ZNF407: variants seen among roughly 807,000 people sequenced by gnomAD.
The protein encoded by ZNF407 is zinc finger protein 407.
In ZNF407, 17 loss-of-function variants were observed where a neutral mutation model predicts 131.2. The ratio of observed to expected loss-of-function variants is 0.13; its 90% confidence interval spans 0.09 to 0.19. The LOEUF (loss-of-function observed/expected upper bound fraction) is 0.19, where lower values mean the gene tolerates loss of function less well. ZNF407 is among the 10% of genes least tolerant of loss of function. The probability of loss-of-function intolerance (pLI) is 1.00; values close to 1 mark genes in which losing one functional copy is unlikely to be tolerated. For synonymous variants in ZNF407, 1,156 were observed against 1,062.0 expected, an observed-to-expected ratio of 1.09 and a Z score of -1.72; for missense variants, 2,681 against 2,830.6, an observed-to-expected ratio of 0.95 and a Z score of 1.20.
intron 4 of ZNF407, among the ~76,000 whole-genome samples, chr18:74,810,075 C>T (rs1446733133): frequency 2.0e-5 from 3 of 152,038 alleles, no homozygotes; most frequent in Non-Finnish European, 4.4e-5. Flanking sequence ...ATTCAAGTGG[C>T]GATGCTGAAC....
intron 3 of ZNF407, among the ~76,000 whole-genome samples, chr18:74,718,211 CCCCT>C (rs542615822): frequency 1.2e-3 from 175 of 151,534 alleles, no homozygotes; most frequent in African/African-American, 3.9e-3. Context: ...TGCAGCCCCC[CCCCT>C]CCCCTTCCTG....
At chr18:74,673,779 T>C (rs966576512) in intron 3 of ZNF407, among the ~76,000 whole-genome samples, 1 of 152,252 alleles carries the variant, frequency 6.6e-6, no homozygotes, top group African/African-American at 2.4e-5. Context: ...TCACTGTAAT[T>C]TAAATATCTC....
chr18:74,975,678 A>G (rs1972520204), intron 8 of ZNF407, among the ~76,000 whole-genome samples: 1 of 152,240 alleles, frequency 6.6e-6, no homozygotes, highest in African/African-American at 2.4e-5. Flanking sequence ...GTTCAAAAAT[A>G]GAGCCTAAAG....
Position 75,044,343 on chromosome 18 carries a change from A to T in ZNF407, c.5429-18807A>T, listed in dbSNP as rs538710244. 5.6e-3 allele frequency among the ~76,000 whole-genome samples: 832 copies of T among 148,000 alleles called. 9 individuals carry two copies. The highest frequency in any genetic ancestry group is 0.019 in the African/African-American group (775 of 40,664). On this transcript the variant is annotated intron_variant, in intron 8 of 8. Coordinates refer to ENST00000299687, the MANE Select transcript of ZNF407 (RefSeq NM_017757.3). ...GGTTTTTTTTCTTTCTTTTTTTTTA[A>T]AAAAAAAAACAGGTTTTTGTTTGTT...
At chr18:74,674,431 A>G (rs1280099626) in intron 3 of ZNF407, among the ~76,000 whole-genome samples, 2 of 151,776 alleles carry the variant, frequency 1.3e-5, no homozygotes, top group East Asian at 1.9e-4. Flanking sequence ...CACATTACCA[A>G]ATATCTTCAT....
At chr18:74,749,516 G>GT (rs1968749846) in intron 3 of ZNF407, among the ~76,000 whole-genome samples, 1 of 152,078 alleles carries the variant, frequency 6.6e-6, no homozygotes, top group Non-Finnish European at 1.5e-5. Context: ...CTGAGATACC[G>GT]TTTTTTAAGA....
chr18:74,892,456 G>A (rs992499100), intron 7 of ZNF407, among the ~76,000 whole-genome samples: 6 of 152,178 alleles, frequency 3.9e-5, no homozygotes, highest in Non-Finnish European at 7.3e-5. Context: ...CACGTCAGTC[G>A]CTTGATGAGC....
chr18:75,009,588 A>G (rs1414858878), intron 8 of ZNF407, among the ~76,000 whole-genome samples: 1 of 152,242 alleles, frequency 6.6e-6, no homozygotes, highest in Non-Finnish European at 1.5e-5. Flanking sequence ...AATGACAAGC[A>G]AAAATAATAG....
chr18:74,865,805 A>T (rs186201886), intron 4 of ZNF407, among the ~76,000 whole-genome samples: 1 of 152,254 alleles, frequency 6.6e-6, no homozygotes, highest in Non-Finnish European at 1.5e-5. Flanking sequence ...TAGTGAAAGT[A>T]CGCTAAATTA....
chr18:74,756,384 A>G (rs1968963850), intron 3 of ZNF407, among the ~76,000 whole-genome samples: 1 of 152,144 alleles, frequency 6.6e-6, no homozygotes, highest in African/African-American at 2.4e-5. Context: ...TAGGGATTGC[A>G]TTGAATTTCT....
intron 3 of ZNF407, among the ~76,000 whole-genome samples, chr18:74,655,064 G>T (rs566799766): frequency 1.2e-3 from 175 of 151,838 alleles, no homozygotes; most frequent in African/African-American, 3.9e-3. Context: ...ATTTTAGTTT[G>T]TTCCAAATAA....
chr18:74,980,709 G>A (rs1972582404), intron 8 of ZNF407, among the ~76,000 whole-genome samples: 1 of 152,110 alleles, frequency 6.6e-6, no homozygotes, highest in Non-Finnish European at 1.5e-5. Context: ...AGATTCATTT[G>A]CAGGCATGAG....
intron 3 of ZNF407, among the ~76,000 whole-genome samples, chr18:74,660,820 A>G (rs769443690): frequency 1.3e-5 from 2 of 152,130 alleles, no homozygotes; most frequent in Non-Finnish European, 2.9e-5. Context: ...TACCTATTTT[A>G]ATTTGAAATA....
intron 4 of ZNF407, among the ~76,000 whole-genome samples, chr18:74,827,867 C>T (rs1970429766): frequency 6.6e-6 from 1 of 152,214 alleles, no homozygotes; most frequent in Admixed American, 6.5e-5. Context: ...TCTGATCCGA[C>T]CTCACAGGGT....
At chr18:74,667,172 C>T (rs571045184) in intron 3 of ZNF407, among the ~76,000 whole-genome samples, 26 of 152,320 alleles carry the variant, frequency 1.7e-4, no homozygotes, top group African/African-American at 5.1e-4. Flanking sequence ...TCTCCACCTG[C>T]GTCTGTGCTG....
intron 8 of ZNF407, among the ~76,000 whole-genome samples, chr18:75,051,666 G>A (rs895827404): frequency 6.6e-6 from 1 of 152,226 alleles, no homozygotes; most frequent in South Asian, 2.1e-4. Context: ...AACTGTTCCA[G>A]TTCTTAGATA....
chr18:74,907,925 A>G (rs573924363), intron 7 of ZNF407, among the ~76,000 whole-genome samples: 1 of 152,294 alleles, frequency 6.6e-6, no homozygotes, highest in East Asian at 1.9e-4. Flanking sequence ...AAATTTTGCC[A>G]ATCTGTCACC....
At position 74,634,189 on chromosome 18, in the gene ZNF407, C is replaced by T; in HGVS notation, c.3170C>T (p.Thr1057Ile). 3.1e-6 allele frequency: 5 copies of T among 1,614,018 alleles called. No individual in the cohort carries two copies. Among genetic ancestry groups the T allele is most frequent in the Non-Finnish European group, 4.2e-6 (5 of 1,179,888 alleles). Residue 1057 changes from threonine to isoleucine, a missense_variant, in exon 2 of 9, where the codon ACT becomes ATT. Physicochemically the swap from Thr to Ile is moderately conservative, Grantham distance 89. This residue lies in a region of ZNF407 where 1,789 missense variants were observed against 1,748.7 expected (regional missense o/e 1.02). Coordinates refer to ENST00000299687, the MANE Select transcript of ZNF407 (RefSeq NM_017757.3). ...ATGGCATGCGATTACTACGCGGTGA[C>T]TCGTCGCGAGATGACCAGGCATGCA... Reference protein sequence around the residue: ...YCMACDYYAVTRREMTRHAAT... With the variant: ...YCMACDYYAVIRREMTRHAAT...
rs375688173 is a variant in ZNF407, at chr18:74,827,473, A to AT, written c.4877+45981dup. The stretch of plus-strand genomic sequence containing the variant: ...CATTGAGTTATACTCCATTGTTTTC[A>AT]TTTTTTTTTTCTGATGCTCTATCAT... On this transcript the variant is annotated intron_variant, in intron 4 of 8. Transcript: ENST00000299687. 8.5e-3 allele frequency among the ~76,000 whole-genome samples: 1,212 copies of AT among 143,252 alleles called. 11 individuals carry two copies. The highest frequency in any genetic ancestry group is 0.028 in the African/African-American group (1,084 of 39,200). The allele number at this position is 143,252 out of a possible 152,430, so 94.0% of individuals were successfully genotyped here. A position where few individuals can be genotyped will look rare whatever the true frequency, so the allele number is the denominator to read the frequency against.
Sources: allele counts gnomAD v4.1 joint callset (sites outside exome capture counted in the v4.1 genomes callset), GRCh38; gene constraint gnomAD v4.1.1; regional missense constraint gnomAD v4.1.1; transcripts MANE v1.5; gene names NCBI Gene and HGNC (gene_info 2026-07-23, HGNC 2026-07-21).